The following PCDHA2 variants were observed in gnomAD, a reference collection of about 807,000 sequenced individuals.
PCDHA2 encodes the protein protocadherin alpha 2, also known as protocadherin alpha-2.
Under a neutral mutation model 66.0 loss-of-function variants are expected in PCDHA2, and 58 were observed. The ratio of observed to expected loss-of-function variants is 0.88; its 90% CI spans 0.71 to 1.09. The LOEUF (loss-of-function observed/expected upper bound fraction) is 1.09. PCDHA2 is among the 50% of genes least tolerant of loss of function. The pLI is 0.00. For synonymous variants in PCDHA2, 634 were observed against 554.0 expected, an observed-to-expected ratio of 1.14 and a Z score of -2.03; for missense variants, 1,267 against 1,242.3, an observed-to-expected ratio of 1.02 and a Z score of -0.30.
rs1762102452 is a variant in PCDHA2, at chr5:140,796,564, C to A, written c.1600C>A (p.Gln534Lys). Residue 534 changes from glutamine to lysine, a missense_variant, in exon 1 of 4, where the codon CAG becomes AAG. Transcript: ENST00000526136. Reference protein sequence around the residue: ...DHEEVELLQFQVSARDAGVPP... With the variant: ...DHEEVELLQFKVSARDAGVPP... The stretch of plus-strand genomic sequence containing the variant: ...CGAGGAAGTGGAGCTGCTGCAGTTC[C>A]AGGTGAGCGCGCGGGATGCGGGCGT... 2 of 1,613,022 alleles carry A rather than the reference C, an allele frequency of 1.2e-6. No individual in the cohort carries two copies. The highest frequency in any genetic ancestry group is 1.7e-6 in the Non-Finnish European group (2 of 1,179,802).
At chr5:140,828,262 G>A in intron 1 of PCDHA2, 2 of 1,614,018 alleles carry the variant, frequency 1.2e-6, no homozygotes, top group Non-Finnish European at 8.5e-7. Context: ...TGGAGCTGGC[G>A]GAGCTGGTGC....
rs369786229 is a variant in PCDHA2 at position 140,858,286 on chromosome 5, G to T, written c.2388+60934G>T. ...TGTGCTCTAGCGCGGTGGGGAGCTGGTCTTACTCGCAGCAGAGGCGGCAGA... is the reference window on the plus strand; with the variant it reads ...TGTGCTCTAGCGCGGTGGGGAGCTGTTCTTACTCGCAGCAGAGGCGGCAGA... On this transcript the variant is annotated intron_variant, in intron 1 of 3. Coordinates refer to ENST00000526136, the MANE Select transcript of PCDHA2 (RefSeq NM_018905.3). 5.0e-6 allele frequency: 8 copies of T among 1,597,506 alleles called. 1 individual carries two copies. Among genetic ancestry groups the T allele is most frequent in the Non-Finnish European group, 6.9e-6 (8 of 1,167,336 alleles).
At chr5:140,970,146 C>A (rs1408492600) in intron 1 of PCDHA2, among the ~76,000 whole-genome samples, 3 of 152,156 alleles carry the variant, frequency 2.0e-5, no homozygotes, top group Admixed American at 6.5e-5. Context: ...AAAAAGAATT[C>A]TCCCAATAGT....
chr5:140,829,909 G>A, intron 1 of PCDHA2: 1 of 1,613,992 alleles, frequency 6.2e-7, no homozygotes, highest in Non-Finnish European at 8.5e-7. Context: ...ACAACGCGTG[G>A]CTTTCGTATG....
At chr5:140,850,671 A>T in intron 1 of PCDHA2, 1 of 1,598,160 alleles carries the variant, frequency 6.3e-7, no homozygotes, top group Non-Finnish European at 8.6e-7. Context: ...GTGCTCGGCG[A>T]TGCCCACCGA....
rs370640529 is a variant in PCDHA2, at chr5:140,968,552, C to G, written c.2389-10397C>G. 5 of 1,614,184 alleles carry G rather than the reference C, an allele frequency of 3.1e-6. No homozygotes were observed. The East Asian group carries it at 1.1e-4, about 36-fold the overall frequency. ...GTCAGCAGCCTTCGAGATGGTGCCT[C>G]GAACTGCCCCTGCTGGCTACCTGGT... On this transcript the variant is annotated intron_variant, in intron 1 of 3. Coordinates refer to ENST00000526136, the MANE Select transcript of PCDHA2 (RefSeq NM_018905.3).
chr5:140,827,842 A>G (rs1769428181), intron 1 of PCDHA2: 1 of 458,490 alleles, frequency 2.2e-6, no homozygotes, highest in Non-Finnish European at 3.7e-6. Flanking sequence ...AAAAGAAGAT[A>G]CTGTTTTAAA....
At chr5:140,944,995 T>A (rs246062) in intron 1 of PCDHA2, among the ~76,000 whole-genome samples, 85,717 of 151,900 alleles carry the variant, frequency 0.56, 24,795 homozygotes, top group African/African-American at 0.69. Flanking sequence ...TCTGTAACGG[T>A]TGTGGGTCAT....
rs1554148728 is a variant in PCDHA2, at chr5:140,856,447, C to T, written c.2388+59095C>T. On this transcript the variant is annotated intron_variant, in intron 1 of 3. Transcript: ENST00000526136. ...TTAACGACAACCCGCCCAGGTTCTC[C>T]GTAACAGAACAAAAGCTCTCAATAC... 8 of 1,598,330 alleles carry T rather than the reference C, an allele frequency of 5.0e-6. 1 individual carries two copies. The highest frequency in any genetic ancestry group is 6.8e-6 in the Non-Finnish European group (8 of 1,167,884).
Position 140,966,357 on chromosome 5 carries a change from T to A in PCDHA2, c.2389-12592T>A, listed in dbSNP as rs3756326. ...AGGTCCAGGGTGAAGGAGATGGGGCTGGAGAGGCTGAGCAGTCCGGGTTCG... is the reference window on the plus strand; with the variant it reads ...AGGTCCAGGGTGAAGGAGATGGGGCAGGAGAGGCTGAGCAGTCCGGGTTCG... On this transcript the variant is annotated intron_variant, in intron 1 of 3. Coordinates refer to ENST00000526136, the MANE Select transcript of PCDHA2 (RefSeq NM_018905.3). The A allele has an allele frequency of 3.3e-4, 131 of 400,654 alleles. 3 individuals are homozygous for A. Among genetic ancestry groups the A allele is most frequent in the East Asian group, 2.0e-3 (56 of 27,900 alleles). The allele number at this position is 400,654 out of a possible 1,614,324, so 24.8% of individuals were successfully genotyped here.
intron 1 of PCDHA2, chr5:140,853,114 C>G: frequency 6.6e-6 from 3 of 456,918 alleles, no homozygotes; most frequent in Non-Finnish European, 8.8e-6. Flanking sequence ...CTCCTGACCT[C>G]ATGATCCTCC....
intron 1 of PCDHA2, among the ~76,000 whole-genome samples, chr5:140,965,456 G>A (rs2095902676): frequency 6.6e-6 from 1 of 151,710 alleles, no homozygotes; most frequent in Admixed American, 6.6e-5. Context: ...GTTATTGTAA[G>A]ATAAATCCCA....
chr5:140,827,185 C>G (rs1368140557), intron 1 of PCDHA2, among the ~76,000 whole-genome samples: 1 of 151,946 alleles, frequency 6.6e-6, no homozygotes, highest in Non-Finnish European at 1.5e-5. Flanking sequence ...AAGTCTTATT[C>G]AAAACTTGGA....
chr5:140,958,089 C>A (rs2095409002), intron 1 of PCDHA2, among the ~76,000 whole-genome samples: 1 of 151,872 alleles, frequency 6.6e-6, no homozygotes, highest in African/African-American at 2.4e-5. Context: ...TAAAGTTGTA[C>A]AATAGTGTGT....
Position 140,883,205 on chromosome 5 carries a change from A to G in PCDHA2, c.2388+85853A>G, listed in dbSNP as rs1402031440. 5 of 1,613,918 alleles carry G rather than the reference A, an allele frequency of 3.1e-6. No individual in the cohort carries two copies. In the African/African-American group the frequency reaches 6.7e-5, roughly 22 times the overall value. On this transcript the variant is annotated intron_variant, in intron 1 of 3. Transcript: ENST00000526136. Reference sequence around the variant, plus strand: ...AAAAGGCAAACTAGATTTCGAAGAAAAGAAATTATATGAAATATCCGTGGA... The same window carrying G: ...AAAAGGCAAACTAGATTTCGAAGAAGAGAAATTATATGAAATATCCGTGGA...
chr5:141,003,685 A>G (rs782131958), intron 3 of PCDHA2, among the ~76,000 whole-genome samples: 12 of 152,198 alleles, frequency 7.9e-5, no homozygotes, highest in Non-Finnish European at 1.2e-4. Flanking sequence ...TCTGATTTTA[A>G]AATATATCCC....
rs2150323482 is a variant in PCDHA2 at position 140,841,819 on chromosome 5, C to A, written c.2388+44467C>A. Reference sequence around the variant, plus strand: ...CCGATGCAGATGTTGGAGCTAACTCCGTGTTAACCTACAGGCTTAGCTCTC... The same window carrying A: ...CCGATGCAGATGTTGGAGCTAACTCAGTGTTAACCTACAGGCTTAGCTCTC... On this transcript the variant is annotated intron_variant, in intron 1 of 3. Transcript: ENST00000526136. The A allele has an allele frequency of 3.1e-6, 5 of 1,613,874 alleles. No individual in the cohort carries two copies. The South Asian group carries it at 5.5e-5, about 18-fold the overall frequency.
intron 1 of PCDHA2, chr5:140,842,530 T>C: frequency 6.2e-7 from 1 of 1,613,064 alleles, no homozygotes; most frequent in South Asian, 1.1e-5. Flanking sequence ...CCTTCAAGAA[T>C]TACTACTCGT....
chr5:140,876,899 C>G (rs781884794), intron 1 of PCDHA2: 1 of 1,614,092 alleles, frequency 6.2e-7, no homozygotes, highest in South Asian at 1.1e-5. Context: ...CACATCTTCA[C>G]GGTGTCGGCA....
Sources: allele counts gnomAD v4.1 joint callset (sites outside exome capture counted in the v4.1 genomes callset), GRCh38; gene constraint gnomAD v4.1.1; transcripts MANE v1.5; gene names NCBI Gene and HGNC (gene_info 2026-07-23, HGNC 2026-07-21).